Variants in ENAH observed in about 807,000 individuals in gnomAD.
The protein encoded by ENAH is ENAH actin regulator, also known as protein enabled homolog.
ENAH carries 23 observed loss-of-function variants against 78.7 expected under a neutral mutation model. The ratio of observed to expected loss-of-function variants is 0.29; its 90% CI spans 0.21 to 0.41. The LOEUF (loss-of-function observed/expected upper bound fraction) is 0.41. Among genes scored for constraint, ENAH ranks in the 10% least tolerant of loss-of-function variants. The pLI, the probability that ENAH is intolerant of heterozygous loss-of-function variation, is 1.00. For missense variants in ENAH, 544 were observed against 691.0 expected, an observed-to-expected ratio of 0.79 and a Z score of 2.39; for synonymous variants, 226 against 241.0, an observed-to-expected ratio of 0.94 and a Z score of 0.58.
rs1271142585 is a variant in ENAH at position 225,495,675 on chromosome 1, G to A, written c.*2100C>T. The A allele has an allele frequency of 1.3e-5, 2 of 152,352 alleles. No homozygotes were observed. The highest frequency in any genetic ancestry group is 4.8e-5 in the African/African-American group (2 of 41,368). The allele number at this position is 152,352 out of a possible 1,614,324, so 9.4% of individuals were successfully genotyped here. ...AAAGAGGTTGCTGACCAGATTTATA[G>A]GGGACATAACTGTTTATATTATCAA... On this transcript the variant is annotated 3_prime_UTR_variant, in exon 14 of 14. Transcript: ENST00000366843.
At chr1:225,615,631 T>C (rs1368614907) in intron 1 of ENAH, among the ~76,000 whole-genome samples, 1 of 147,876 alleles carries the variant, frequency 6.8e-6, no homozygotes, top group Non-Finnish European at 1.5e-5. Flanking sequence ...GCGTCTGAGA[T>C]GTGGGGAGCG....
intron 9 of ENAH, among the ~76,000 whole-genome samples, 167 bp downstream of exon 9, chr1:225,512,490 T>C (rs1376229084): frequency 6.6e-6 from 1 of 152,214 alleles, no homozygotes; most frequent in Admixed American, 6.5e-5. Flanking sequence ...ATTAAAAATT[T>C]ATAAATAACA....
At chr1:225,506,968 T>G (rs1283672550) in intron 11 of ENAH, among the ~76,000 whole-genome samples, 1 of 152,152 alleles carries the variant, frequency 6.6e-6, no homozygotes, top group African/African-American at 2.4e-5. Flanking sequence ...ACAAAATACC[T>G]TTTAGTTTCT....
At chr1:225,624,995 G>A (rs912810184) in intron 1 of ENAH, among the ~76,000 whole-genome samples, 1 of 152,182 alleles carries the variant, frequency 6.6e-6, no homozygotes, top group African/African-American at 2.4e-5. Flanking sequence ...TAGAGCTCAT[G>A]GTGGAGAACT....
intron 2 of ENAH, among the ~76,000 whole-genome samples, chr1:225,561,224 C>T (rs565704091): frequency 2.7e-5 from 4 of 150,414 alleles, no homozygotes; most frequent in African/African-American, 4.9e-5. Context: ...AGTGAGACTC[C>T]GTCTCAAAAA....
chr1:225,557,731 G>A (rs2096674220), intron 2 of ENAH, among the ~76,000 whole-genome samples: 1 of 152,180 alleles, frequency 6.6e-6, no homozygotes. Context: ...TGAGGCAGAA[G>A]AATCACTTGA....
intron 3 of ENAH, among the ~76,000 whole-genome samples, chr1:225,532,770 A>G (rs1040025480): frequency 1.3e-5 from 2 of 152,132 alleles, no homozygotes; most frequent in South Asian, 4.1e-4. Context: ...CTGTTCAGAA[A>G]GGAGATTTTT....
At chr1:225,572,197 A>G (rs116839490) in intron 1 of ENAH, among the ~76,000 whole-genome samples, 2,203 of 152,216 alleles carry the variant, frequency 0.014, 57 homozygotes, top group African/African-American at 0.047. Flanking sequence ...TCTCGAGAAG[A>G]GACTGTTGAA....
intron 1 of ENAH, among the ~76,000 whole-genome samples, chr1:225,585,904 A>C (rs1282621787): frequency 6.6e-6 from 1 of 152,122 alleles, no homozygotes; most frequent in Non-Finnish European, 1.5e-5. Flanking sequence ...AAAAGCAAAG[A>C]CTTGAGCTTC....
chr1:225,509,314 C>A (rs1771319), intron 10 of ENAH, among the ~76,000 whole-genome samples: 151,509 of 152,294 alleles, frequency 0.99, 75,367 homozygotes, highest in Middle Eastern at 1. Context: ...ACTAAAGAGG[C>A]GGCGGGTGGA....
rs533345009 is a variant in ENAH at position 225,494,402 on chromosome 1, T to C, written c.*3373A>G. On this transcript the variant is annotated 3_prime_UTR_variant, in exon 14 of 14. Coordinates refer to ENST00000366843, the MANE Select transcript of ENAH (RefSeq NM_018212.6). Reference sequence around the variant, plus strand: ...AAATTCATTACTCAATAATGCCCTTTACCACACAATGTCCTTTACCATGCA... The same window carrying C: ...AAATTCATTACTCAATAATGCCCTTCACCACACAATGTCCTTTACCATGCA... 4 of 152,344 alleles carry C rather than the reference T, an allele frequency of 2.6e-5. No individual in the cohort carries two copies. The East Asian group carries it at 7.7e-4, about 29-fold the overall frequency. The allele number at this position is 152,344 out of a possible 1,614,324, so 9.4% of individuals were successfully genotyped here.
chr1:225,590,166 AT>A (rs2096868519), intron 1 of ENAH, among the ~76,000 whole-genome samples: 1 of 150,928 alleles, frequency 6.6e-6, no homozygotes. Context: ...CAAATTCACC[AT>A]TTCAACTAAT....
In ENAH at chr1:225,497,794, C is replaced by A. The variant is rs2096256779; in HGVS notation, c.1694G>T (p.Ser565Ile). ...GTTCCTCTATGCAGTATTTGACTTG[C>A]TCAGTTCCTGCCTGATTGCTGGATG... ...ELIDAIRQEL[S>I]KSNTA The change falls in exon 14 of 14, where the codon AGC becomes ATC. Residue 565 changes from serine to isoleucine, a missense_variant. Physicochemically the swap from Ser to Ile is moderately radical, Grantham distance 142 (BLOSUM62 -2). Coordinates refer to ENST00000366843, the MANE Select transcript of ENAH (RefSeq NM_018212.6). 1 of 1,612,620 alleles carries A rather than the reference C, an allele frequency of 6.2e-7. No homozygotes were observed. Among genetic ancestry groups the A allele is most frequent in the Non-Finnish European group, 8.5e-7 (1 of 1,179,252 alleles).
Position 225,500,936 on chromosome 1 carries a change from A to G in ENAH, c.1617+56T>C, listed in dbSNP as rs2096278869. The stretch of plus-strand genomic sequence containing the variant: ...TCCATGTCAAAGATATGCATATGGG[A>G]TATTTTTTAAAAAGAAACAAGTACA... On this transcript the variant is annotated intron_variant, in intron 12 of 13. Transcript: ENST00000366843. 2.7e-6 allele frequency: 4 copies of G among 1,489,022 alleles called. No homozygotes were observed. The East Asian group carries it at 9.0e-5, about 34-fold the overall frequency. The allele number at this position is 1,489,022 out of a possible 1,614,324, so 92.2% of individuals were successfully genotyped here. A position where few individuals can be genotyped will look rare whatever the true frequency, so the allele number is the denominator to read the frequency against.
At chr1:225,627,170 TTA>T (rs1221083635) in intron 1 of ENAH, among the ~76,000 whole-genome samples, 3 of 152,326 alleles carry the variant, frequency 2.0e-5, no homozygotes, top group Admixed American at 2.0e-4. Flanking sequence ...TGCGTTATTT[TTA>T]TGTCTGAAAC....
intron 1 of ENAH, among the ~76,000 whole-genome samples, chr1:225,643,718 T>C (rs951922039): frequency 6.6e-6 from 1 of 152,122 alleles, no homozygotes; most frequent in Non-Finnish European, 1.5e-5. Flanking sequence ...GGAGGATGAC[T>C]TGAGGCCAGG....
chr1:225,561,888 T>C (rs898103546), intron 2 of ENAH, among the ~76,000 whole-genome samples: 16 of 152,106 alleles, frequency 1.1e-4, no homozygotes, highest in African/African-American at 2.4e-4. Flanking sequence ...TATCTTATCC[T>C]GTCTATGAGG....
Position 225,490,602 on chromosome 1 carries a change from ATG to A in ENAH, c.*7171_*7172del, listed in dbSNP as rs1298162053. The A allele has an allele frequency of 1.3e-5, 2 of 152,134 alleles. No individual in the cohort carries two copies. The highest frequency in any genetic ancestry group is 2.9e-5 in the Non-Finnish European group (2 of 68,016). The allele number at this position is 152,134 out of a possible 1,614,324, so 9.4% of individuals were successfully genotyped here. A position where few individuals can be genotyped will look rare whatever the true frequency, so the allele number is the denominator to read the frequency against. ...TTTTTTTTTGCAATTGAAACTTAAA[ATG>A]ATCAAGCCCAAAGTACCTCTGGGAA... On this transcript the variant is annotated 3_prime_UTR_variant, in exon 14 of 14. Transcript: ENST00000366843.
At chr1:225,546,939 A>AT (rs1312529034) in intron 3 of ENAH, among the ~76,000 whole-genome samples, 1 of 152,106 alleles carries the variant, frequency 6.6e-6, no homozygotes, top group East Asian at 1.9e-4. Flanking sequence ...TTACATTTTC[A>AT]TTTTTACCTG....
Sources: gnomAD v4.1 joint callset for allele counts (sites outside exome capture counted in the v4.1 genomes callset) on GRCh38, gnomAD v4.1.1 for gene constraint, MANE v1.5 for transcripts, NCBI Gene and HGNC (gene_info 2026-07-23, HGNC 2026-07-21) for gene names.